Variants in FRMD3 observed in about 807,000 individuals in gnomAD.
FRMD3 encodes FERM domain-containing protein 3.
FRMD3 carries 33 observed loss-of-function variants against 70.2 expected under a neutral mutation model. The ratio of observed to expected loss-of-function variants is 0.47; its 90% CI spans 0.36 to 0.63. The LOEUF (loss-of-function observed/expected upper bound fraction) is 0.63, where lower values mean the gene tolerates loss of function less well. Ranked by LOEUF, FRMD3 falls within the 20% of genes least tolerant of loss-of-function variation. FRMD3 has a pLI of 0.00. For missense variants in FRMD3, 632 were observed against 711.4 expected (o/e 0.89, Z 1.27); for synonymous variants, 279 against 255.9 (o/e 1.09, Z -0.86).
intron 1 of FRMD3, among the ~76,000 whole-genome samples, chr9:83,394,363 CAT>C (rs1433962143): frequency 6.6e-6 from 1 of 152,146 alleles, no homozygotes; most frequent in African/African-American, 2.4e-5. Flanking sequence ...GAAACAATCA[CAT>C]GTCTGATTAG....
intron 1 of FRMD3, among the ~76,000 whole-genome samples, chr9:83,415,723 T>C (rs1018403409): frequency 1.3e-5 from 2 of 150,156 alleles, no homozygotes; most frequent in African/African-American, 4.9e-5. Flanking sequence ...GCCTCCCAAA[T>C]TGCTGGGATT....
intron 1 of FRMD3, among the ~76,000 whole-genome samples, chr9:83,501,859 G>A (rs1240942467): frequency 6.6e-6 from 1 of 152,158 alleles, no homozygotes; most frequent in African/African-American, 2.4e-5. Context: ...TGAGTAGAGA[G>A]GGAAAAGGAA....
intron 1 of FRMD3, among the ~76,000 whole-genome samples, chr9:83,492,061 G>A (rs1828838985): frequency 6.6e-6 from 1 of 152,154 alleles, no homozygotes; most frequent in African/African-American, 2.4e-5. Context: ...AAATGTGTGT[G>A]CAACACACCC....
chr9:83,245,396 T>C lies in FRMD3; in HGVS notation c.*2522A>G, dbSNP rs1832044932. On this transcript the variant is annotated 3_prime_UTR_variant, in exon 14 of 14. Coordinates refer to ENST00000304195, the MANE Select transcript of FRMD3 (RefSeq NM_174938.6). ...AGGCTCTGATTCTATGCCGAGCAAA[T>C]GGCATTTCAAGATTCCAGTTTAACT... 3 of 985,298 alleles carry C rather than the reference T, an allele frequency of 3.0e-6. No individual in the cohort carries two copies. Among genetic ancestry groups the C allele is most frequent in the Admixed American group, 1.2e-4 (2 of 16,264 alleles). The allele number at this position is 985,298 out of a possible 1,614,324, so 61.0% of individuals were successfully genotyped here.
intron 1 of FRMD3, among the ~76,000 whole-genome samples, chr9:83,408,742 T>C (rs1353395765): frequency 6.6e-6 from 1 of 152,244 alleles, no homozygotes; most frequent in Non-Finnish European, 1.5e-5. Flanking sequence ...TTGAGCCTTC[T>C]GCATCCTCTC....
chr9:83,315,499 C>T (rs965630455), intron 6 of FRMD3, among the ~76,000 whole-genome samples: 6 of 152,094 alleles, frequency 3.9e-5, no homozygotes, highest in Non-Finnish European at 7.4e-5. Context: ...TTCTCCCTTG[C>T]TGTTCTCGGG....
intron 3 of FRMD3, among the ~76,000 whole-genome samples, chr9:83,365,766 T>C (rs1029511194): frequency 2.0e-5 from 3 of 152,176 alleles, no homozygotes; most frequent in African/African-American, 7.2e-5. Flanking sequence ...GAAGAAATGG[T>C]GGCATGGTGT....
chr9:83,333,381 A>C (rs554365149), intron 6 of FRMD3, among the ~76,000 whole-genome samples: 1 of 152,328 alleles, frequency 6.6e-6, no homozygotes, highest in Admixed American at 6.5e-5. Context: ...CAAGATTTAT[A>C]AAGTGCGAGT....
chr9:83,472,474 G>C (rs1828291321), intron 1 of FRMD3, among the ~76,000 whole-genome samples: 1 of 152,152 alleles, frequency 6.6e-6, no homozygotes, highest in Non-Finnish European at 1.5e-5. Flanking sequence ...CCTGACTGGT[G>C]TTTACCTAGG....
chr9:83,338,546 A>T (rs1823653362), intron 5 of FRMD3, among the ~76,000 whole-genome samples: 1 of 152,212 alleles, frequency 6.6e-6, no homozygotes, highest in Non-Finnish European at 1.5e-5. Flanking sequence ...TGTCACAGTT[A>T]AAATCAACAA....
At chr9:83,249,444 G>A (rs1364472428) in intron 13 of FRMD3, among the ~76,000 whole-genome samples, 1 of 152,190 alleles carries the variant, frequency 6.6e-6, no homozygotes, top group Admixed American at 6.5e-5. Context: ...TCAAAGAAGT[G>A]TCCTCCAGGA....
intron 1 of FRMD3, among the ~76,000 whole-genome samples, chr9:83,509,082 T>TG: frequency 1.8e-5 from 1 of 55,998 alleles, no homozygotes; most frequent in Middle Eastern, 8.8e-3. Context: ...ATATTTTACT[T>TG]ATTTTTGCCT....
chr9:83,319,658 G>T (rs1376135262), intron 6 of FRMD3, among the ~76,000 whole-genome samples: 2 of 152,200 alleles, frequency 1.3e-5, no homozygotes, highest in South Asian at 4.1e-4. Flanking sequence ...CTGACCTCAA[G>T]TGACCATGTG....
chr9:83,290,812 T>C, intron 12 of FRMD3, 85 bp from the exon 13 acceptor site: 1 of 1,456,448 alleles, frequency 6.9e-7, no homozygotes. Flanking sequence ...AAGCTACCAT[T>C]TTGTGTCTAC....
chr9:83,540,548 G>T (rs1829988804), upstream of FRMD3, among the ~76,000 whole-genome samples: 1 of 152,176 alleles, frequency 6.6e-6, no homozygotes, highest in African/African-American at 2.4e-5. Context: ...ACAGGCTCTG[G>T]AAGCACTTGG....
intron 10 of FRMD3, among the ~76,000 whole-genome samples, chr9:83,301,647 T>C (rs4877752): frequency 0.56 from 84,903 of 152,172 alleles, 24,260 homozygotes; most frequent in South Asian, 0.67. Flanking sequence ...GTCAACCTCC[T>C]GGCCACTCAG....
intron 6 of FRMD3, among the ~76,000 whole-genome samples, chr9:83,332,273 T>A: frequency 6.6e-6 from 1 of 152,232 alleles, no homozygotes; most frequent in East Asian, 1.9e-4. Context: ...GATCCAAGCA[T>A]GAACTTTTAC....
chr9:83,309,288 A>ACG lies in FRMD3; in HGVS notation c.926+247_926+248insCG, dbSNP rs1554685548. Among the ~76,000 whole-genome samples, 1,359 of 151,690 alleles carry ACG rather than the reference A, an allele frequency of 9.0e-3. 51 individuals carry two copies. Among genetic ancestry groups the ACG allele is most frequent in the African/African-American group, 0.031 (1,286 of 41,246 alleles). On this transcript the variant is annotated intron_variant, in intron 10 of 13. Transcript: ENST00000304195. ...CACACACACACACACACACACACAC[A>ACG]CACACACACACACACAGTGGCCCAC...
intron 1 of FRMD3, among the ~76,000 whole-genome samples, chr9:83,501,271 G>A (rs1829062360): frequency 6.6e-6 from 1 of 151,802 alleles, no homozygotes; most frequent in Non-Finnish European, 1.5e-5. Context: ...TCCAGCCTGG[G>A]TGACAGAGCG....
Sources: gnomAD v4.1 joint callset for allele counts (sites outside exome capture counted in the v4.1 genomes callset) on GRCh38, gnomAD v4.1.1 for gene constraint, MANE v1.5 for transcripts, NCBI Gene and HGNC (gene_info 2026-07-23, HGNC 2026-07-21) for gene names.